The following IL1RAPL2 variants were observed in gnomAD, a reference collection of about 807,000 sequenced individuals.
IL1RAPL2 encodes X-linked interleukin-1 receptor accessory protein-like 2.
Under a neutral mutation model 44.1 loss-of-function variants are expected in IL1RAPL2, and 3 were observed. The ratio of observed to expected loss-of-function variants is 0.07; its 90% CI spans 0.03 to 0.18. IL1RAPL2 has a LOEUF of 0.18. Among genes scored for constraint, IL1RAPL2 ranks in the 10% least tolerant of loss-of-function variants. The pLI is 1.00. For missense variants in IL1RAPL2, 391 were observed against 496.4 expected (o/e 0.79, Z 2.02); for synonymous variants, 181 against 178.8 (o/e 1.01, Z -0.10).
intron 1 of IL1RAPL2, among the ~76,000 whole-genome samples, chrX:104,585,211 C>T (rs1162592053): frequency 1.5e-4 from 8 of 53,194 alleles, no homozygotes; most frequent in African/African-American, 8.1e-4. Context: ...ATTATATATA[C>T]ACATATATGT....
At chrX:104,805,072 A>T (rs1209942279) in intron 2 of IL1RAPL2, among the ~76,000 whole-genome samples, 1 of 111,779 alleles carries the variant, frequency 8.9e-6, no homozygotes, top group African/African-American at 3.3e-5. Flanking sequence ...CAGTGTATAC[A>T]TCCCTCTCCA....
intron 5 of IL1RAPL2, among the ~76,000 whole-genome samples, chrX:105,380,577 G>A (rs1439138649): frequency 9.0e-6 from 1 of 111,728 alleles, no homozygotes; most frequent in Non-Finnish European, 1.9e-5. Context: ...ACCCAGTCTT[G>A]TGACTCTGTT....
At chrX:105,609,343 C>G (rs1051358887) in intron 6 of IL1RAPL2, among the ~76,000 whole-genome samples, 36 of 128 alleles carry the variant, frequency 0.28, no homozygotes, top group African/African-American at 0.42. Flanking sequence ...TGTGAATGTA[C>G]TTAATGGGCG....
chrX:104,882,891 G>A (rs1275191203), intron 2 of IL1RAPL2, among the ~76,000 whole-genome samples: 1 of 111,364 alleles, frequency 9.0e-6, no homozygotes, highest in Non-Finnish European at 1.9e-5. Context: ...CCACTGGGAG[G>A]AACAAACAAC....
rs1207297013 is a variant in IL1RAPL2 at position 105,408,853 on chromosome X, G to A, written c.698-75460G>A. ...GCAGATTTTAGATCTAATGTATACA[G>A]CATTAATAAATGATATAAAGTGTTG... On this transcript the variant is annotated intron_variant, in intron 5 of 10. Coordinates refer to ENST00000372582, the MANE Select transcript of IL1RAPL2 (RefSeq NM_017416.2). 1.6e-4 allele frequency among the ~76,000 whole-genome samples: 15 copies of A among 91,632 alleles called. 1 individual carries two copies. The Admixed American group carries it at 1.7e-3, about 10-fold the overall frequency. The allele number at this position is 91,632 out of a possible 115,157, so 79.6% of individuals were successfully genotyped here.
At position 105,766,941 on chromosome X, in the gene IL1RAPL2, TTC is replaced by T. The variant is rs1018073557; in HGVS notation, c.1364-17_1364-16del. The T allele has an allele frequency of 2.7e-6, 3 of 1,117,038 alleles. No individual in the cohort carries two copies. In the African/African-American group the frequency reaches 5.4e-5, roughly 20 times the overall value. 92.1% of individuals were successfully genotyped at this position (1,117,038 alleles called of 1,213,427 possible). On this transcript the variant is annotated intron_variant, in intron 10 of 10. Coordinates refer to ENST00000372582, the MANE Select transcript of IL1RAPL2 (RefSeq NM_017416.2). ...ACTGGCAATGTCTTTGTTTTACTCT[TTC>T]TCTCTTTCTGTGATTTGTAGCATAC...
intron 2 of IL1RAPL2, among the ~76,000 whole-genome samples, chrX:104,919,179 T>C: frequency 9.1e-6 from 1 of 110,327 alleles, no homozygotes; most frequent in Non-Finnish European, 1.9e-5. Flanking sequence ...CTTCAGGTCC[T>C]CTTGGCCTCA....
At position 104,653,057 on chromosome X, in the gene IL1RAPL2, C is replaced by T. The variant is rs950614419; in HGVS notation, c.-19-5838C>T. ...TGTGTGTCTTCTCCTTGGTTGGTCACAATTGCTCTTCTAGCTGTCTATGGG... is the reference window on the plus strand; with the variant it reads ...TGTGTGTCTTCTCCTTGGTTGGTCATAATTGCTCTTCTAGCTGTCTATGGG... On this transcript the variant is annotated intron_variant, in intron 1 of 10. Coordinates refer to ENST00000372582, the MANE Select transcript of IL1RAPL2 (RefSeq NM_017416.2). Among the ~76,000 whole-genome samples the T allele has an allele frequency of 5.4e-5, 6 of 110,740 alleles. No homozygotes were observed. In the South Asian group the frequency reaches 2.3e-3, roughly 42 times the overall value.
intron 2 of IL1RAPL2, among the ~76,000 whole-genome samples, chrX:104,885,507 A>T (rs1038720181): frequency 1.1e-4 from 12 of 111,994 alleles, no homozygotes; most frequent in Non-Finnish European, 2.3e-4. Context: ...GGGTCAACTG[A>T]TTCTAAAAGA....
intron 6 of IL1RAPL2, among the ~76,000 whole-genome samples, chrX:105,594,233 T>C (rs1396068433): frequency 6.2e-5 from 7 of 112,136 alleles, no homozygotes; most frequent in African/African-American, 2.3e-4. Flanking sequence ...ATTTCTGTGA[T>C]TTCCTACCTT....
chrX:105,367,252 G>T (rs2035301906), intron 5 of IL1RAPL2, among the ~76,000 whole-genome samples: 1 of 111,576 alleles, frequency 9.0e-6, no homozygotes. Flanking sequence ...TAGGCAGCAT[G>T]TAGTTAGTTC....
intron 1 of IL1RAPL2, among the ~76,000 whole-genome samples, chrX:104,623,796 TG>T (rs1929446104): frequency 8.9e-6 from 1 of 111,864 alleles, no homozygotes; most frequent in African/African-American, 3.2e-5. Flanking sequence ...AGGTCCAGAA[TG>T]GGGCTGAATT....
At chrX:105,011,145 G>C (rs888565147) in intron 2 of IL1RAPL2, among the ~76,000 whole-genome samples, 11 of 110,891 alleles carry the variant, frequency 9.9e-5, no homozygotes, top group African/African-American at 3.6e-4. Context: ...CTATAAGCCT[G>C]CTTCCTCATA....
At chrX:104,789,534 T>C (rs1932815410) in intron 2 of IL1RAPL2, among the ~76,000 whole-genome samples, 1 of 111,976 alleles carries the variant, frequency 8.9e-6, no homozygotes, top group Non-Finnish European at 1.9e-5. Context: ...TATTTGAAAA[T>C]GGATCACCAA....
chrX:104,689,332 A>G (rs1332173953), intron 2 of IL1RAPL2, among the ~76,000 whole-genome samples: 1 of 111,501 alleles, frequency 9.0e-6, no homozygotes, highest in Non-Finnish European at 1.9e-5. Flanking sequence ...AATGAGGCAC[A>G]TGCTTACCTA....
At chrX:105,310,865 G>A (rs758478525) in intron 5 of IL1RAPL2, among the ~76,000 whole-genome samples, 4 of 111,680 alleles carry the variant, frequency 3.6e-5, no homozygotes. Flanking sequence ...CATATTTTAT[G>A]TCTTATTTTT....
chrX:104,592,621 G>A (rs997183844), intron 1 of IL1RAPL2, among the ~76,000 whole-genome samples: 3 of 111,396 alleles, frequency 2.7e-5, no homozygotes, highest in Non-Finnish European at 5.7e-5. Context: ...TTTAACAGTC[G>A]CACAGGATGT....
At chrX:105,495,242 A>G (rs2036348971) in intron 6 of IL1RAPL2, among the ~76,000 whole-genome samples, 1 of 112,343 alleles carries the variant, frequency 8.9e-6, no homozygotes, top group African/African-American at 3.2e-5. Flanking sequence ...ACACCTGGCA[A>G]TTAAGATCAG....
chrX:105,175,670 GT>G (rs74314457), intron 2 of IL1RAPL2, among the ~76,000 whole-genome samples: 2 of 110,306 alleles, frequency 1.8e-5, no homozygotes, highest in East Asian at 2.8e-4. Context: ...AGTTACTATG[GT>G]TTTTTTTAAA....
Sources: gnomAD v4.1 joint callset for allele counts (sites outside exome capture counted in the v4.1 genomes callset) on GRCh38, gnomAD v4.1.1 for gene constraint, MANE v1.5 for transcripts, NCBI Gene and HGNC (gene_info 2026-07-23, HGNC 2026-07-21) for gene names.